Variants in DSCAM observed in about 807,000 individuals in gnomAD.
The protein encoded by DSCAM is DS cell adhesion molecule.
Under a neutral mutation model 217.7 loss-of-function variants are expected in DSCAM, and 47 were observed. That is an observed-to-expected ratio of 0.22 (90% CI 0.17 to 0.28). The LOEUF (loss-of-function observed/expected upper bound fraction) is 0.28, where lower values mean the gene tolerates loss of function less well. DSCAM is among the 10% of genes least tolerant of loss of function. The pLI is 1.00. For synonymous variants in DSCAM, 1,056 were observed against 1,015.3 expected, an observed-to-expected ratio of 1.04 and a Z score of -0.76; for missense variants, 2,080 against 2,618.3, an observed-to-expected ratio of 0.79 and a Z score of 4.49.
chr21:40,499,666 A>C (rs1481447562), intron 3 of DSCAM, among the ~76,000 whole-genome samples: 1 of 152,242 alleles, frequency 6.6e-6, no homozygotes, highest in Non-Finnish European at 1.5e-5. Context: ...TGGGTTAAAG[A>C]AGCAGAAATG....
intron 3 of DSCAM, among the ~76,000 whole-genome samples, chr21:40,606,656 T>C (rs2089242828): frequency 6.6e-6 from 1 of 152,188 alleles, no homozygotes; most frequent in Admixed American, 6.5e-5. Flanking sequence ...TGGGCTGTAG[T>C]AGCTGAGCAG....
rs1373879618 is a variant in DSCAM at position 40,044,135 on chromosome 21, C to A, written c.5326G>T (p.Ala1776Ser). Residue 1776 changes from alanine to serine, a missense_variant, in exon 31 of 33, where the codon GCA becomes TCA. Ala to Ser is a moderately conservative substitution (Grantham distance 99, BLOSUM62 1). This residue lies in a region of DSCAM where 1,144 missense variants were observed against 1,421.1 expected (regional missense o/e 0.81). Coordinates refer to ENST00000400454, the MANE Select transcript of DSCAM (RefSeq NM_001389.5). ...TDWRLPTPRAAGSVDKESDSY... is the reference protein window; with the variant it reads ...TDWRLPTPRASGSVDKESDSY... Reference sequence around the variant, plus strand: ...TCGCTCTCTTTGTCTACTGATCCTGCAGCCCTGGGTGTTGGCAGCCTCCAG... The same window carrying A: ...TCGCTCTCTTTGTCTACTGATCCTGAAGCCCTGGGTGTTGGCAGCCTCCAG... The A allele has an allele frequency of 6.2e-7, 1 of 1,614,146 alleles. No individual in the cohort carries two copies. The highest frequency in any genetic ancestry group is 8.5e-7 in the Non-Finnish European group (1 of 1,180,034).
At position 40,189,186 on chromosome 21, in the gene DSCAM, C is replaced by A; in HGVS notation, c.2409G>T (p.Gln803His). 1 of 1,613,118 alleles carries A rather than the reference C, an allele frequency of 6.2e-7. No homozygotes were observed. Among genetic ancestry groups the A allele is most frequent in the Non-Finnish European group, 8.5e-7 (1 of 1,179,742 alleles). Residue 803 changes from glutamine to histidine, a missense_variant, in exon 12 of 33, where the codon CAG becomes CAT. By Grantham distance (24) the Gln-to-His change is conservative. Around this residue, in one of 5 missense-constraint regions of DSCAM, gnomAD observed 1,144 missense variants for 1,421.1 expected, o/e 0.81. Transcript: ENST00000400454. ...GCGCCGTGCAGCTCATCTCCTTTTT[C>A]TGCCCCTGCGTGGCCAGGGTAGTAT... is the stretch of plus-strand genomic sequence containing the variant. ...YPNTTLATQG[Q>H]KKEMSCTAHG...
intron 3 of DSCAM, among the ~76,000 whole-genome samples, chr21:40,666,242 T>C (rs2090197829): frequency 6.6e-6 from 1 of 152,150 alleles, no homozygotes; most frequent in Non-Finnish European, 1.5e-5. Flanking sequence ...AGGATGATGA[T>C]AGCTACACCC....
chr21:40,809,307 G>T (rs1246291316), intron 1 of DSCAM, among the ~76,000 whole-genome samples: 2 of 152,190 alleles, frequency 1.3e-5, no homozygotes, highest in Non-Finnish European at 1.5e-5. Context: ...ATCCTAATTT[G>T]AGGAAAAGCC....
At chr21:40,256,169 A>T (rs1162406937) in intron 11 of DSCAM, among the ~76,000 whole-genome samples, 2 of 152,212 alleles carry the variant, frequency 1.3e-5, no homozygotes, top group Non-Finnish European at 2.9e-5. Context: ...TTACAGAGTG[A>T]ATTTGCAGTT....
At chr21:40,140,682 G>C (rs1044365640) in intron 18 of DSCAM, among the ~76,000 whole-genome samples, 1 of 152,150 alleles carries the variant, frequency 6.6e-6, no homozygotes, top group Admixed American at 6.5e-5. Flanking sequence ...AATTTTCATT[G>C]CTCTTTACTC....
At chr21:40,343,600 A>T (rs2074522845) in intron 6 of DSCAM, among the ~76,000 whole-genome samples, 1 of 152,112 alleles carries the variant, frequency 6.6e-6, no homozygotes, top group African/African-American at 2.4e-5. Context: ...TAGATTTTTA[A>T]TGTTCTTCCA....
At chr21:40,061,580 A>G (rs1025780771) in intron 28 of DSCAM, among the ~76,000 whole-genome samples, 19 of 111,560 alleles carry the variant, frequency 1.7e-4, no homozygotes, top group Admixed American at 8.9e-4. Flanking sequence ...AAAAAAAAAA[A>G]AAAAAGAAAA....
At chr21:40,842,967 T>C (rs573524918) in intron 1 of DSCAM, among the ~76,000 whole-genome samples, 2 of 152,286 alleles carry the variant, frequency 1.3e-5, no homozygotes, top group East Asian at 3.9e-4. Context: ...GGAATTTAGG[T>C]GAACCCTGAG....
intron 3 of DSCAM, among the ~76,000 whole-genome samples, chr21:40,478,359 A>AT (rs1569140044): frequency 6.6e-6 from 1 of 152,062 alleles, no homozygotes; most frequent in Non-Finnish European, 1.5e-5. Context: ...ATAGGTAAAT[A>AT]TTTTTTTCTT....
At chr21:40,636,826 T>A (rs2089767306) in intron 3 of DSCAM, among the ~76,000 whole-genome samples, 1 of 146,270 alleles carries the variant, frequency 6.8e-6, no homozygotes. Context: ...ATATGCTCCC[T>A]CAAAATAAAC....
At chr21:40,402,330 A>G (rs947498373) in intron 3 of DSCAM, among the ~76,000 whole-genome samples, 3 of 149,774 alleles carry the variant, frequency 2.0e-5, no homozygotes, top group Non-Finnish European at 3.0e-5. Flanking sequence ...CAGCCTCCCA[A>G]AGTGGTGGGA....
At chr21:40,120,405 T>C (rs899165196) in intron 20 of DSCAM, among the ~76,000 whole-genome samples, 14 of 152,230 alleles carry the variant, frequency 9.2e-5, no homozygotes, top group African/African-American at 3.4e-4. Flanking sequence ...TTAATGTGTA[T>C]ATAGTAAAAG....
chr21:40,146,368 G>A (rs928392891), intron 16 of DSCAM, among the ~76,000 whole-genome samples: 2 of 152,068 alleles, frequency 1.3e-5, no homozygotes, highest in Non-Finnish European at 2.9e-5. Context: ...AGGAGGGAAC[G>A]GACAGAGTGG....
chr21:40,220,872 G>T (rs1161675955), intron 11 of DSCAM, among the ~76,000 whole-genome samples: 1 of 152,146 alleles, frequency 6.6e-6, no homozygotes, highest in Non-Finnish European at 1.5e-5. Context: ...TCATCACTGT[G>T]CTCACTGGGC....
chr21:40,557,230 G>A (rs747495331), intron 3 of DSCAM, among the ~76,000 whole-genome samples: 4 of 152,092 alleles, frequency 2.6e-5, no homozygotes, highest in East Asian at 1.9e-4. Flanking sequence ...TTCTGGTTAC[G>A]GGGTAAAATA....
intron 1 of DSCAM, among the ~76,000 whole-genome samples, chr21:40,727,688 T>TCC (rs1045591164): frequency 6.6e-6 from 1 of 152,062 alleles, no homozygotes; most frequent in Non-Finnish European, 1.5e-5. Flanking sequence ...TCTACCCTGG[T>TCC]CCCCTACACA....
chr21:40,093,813 C>T lies in DSCAM; in HGVS notation c.3758G>A (p.Arg1253Lys), dbSNP rs2089641468. ...CACCCAGACGCTGTACTGACGATTC[C>T]TACTCAGGTTGGGAATTCTGTAGGA... is the stretch of plus-strand genomic sequence containing the variant. ...SFSYRIPNLS[R>K]NRQYSVWVVA... Residue 1253 changes from arginine to lysine, a missense_variant, in exon 21 of 33, where the codon AGG becomes AAG. By Grantham distance (26) the Arg-to-Lys change is conservative. Coordinates refer to ENST00000400454, the MANE Select transcript of DSCAM (RefSeq NM_001389.5). 1 of 1,613,846 alleles carries T rather than the reference C, an allele frequency of 6.2e-7. No individual in the cohort carries two copies. Among genetic ancestry groups the T allele is most frequent in the South Asian group, 1.1e-5 (1 of 91,058 alleles).
Sources: allele counts gnomAD v4.1 joint callset (sites outside exome capture counted in the v4.1 genomes callset), GRCh38; gene constraint gnomAD v4.1.1; regional missense constraint gnomAD v4.1.1; transcripts MANE v1.5; gene names NCBI Gene and HGNC (gene_info 2026-07-23, HGNC 2026-07-21).